Variants in LRRC4C observed in about 807,000 individuals in gnomAD.
The protein encoded by LRRC4C is leucine-rich repeat-containing protein 4C.
LRRC4C carries 5 observed loss-of-function variants against 33.6 expected under a neutral mutation model. The observed-to-expected ratio is 0.15, with a 90% CI of 0.08 to 0.31. The LOEUF is 0.31. Among genes scored for constraint, LRRC4C ranks in the 10% least tolerant of loss-of-function variants. The probability of loss-of-function intolerance (pLI) is 1.00; values close to 1 mark genes in which losing one functional copy is unlikely to be tolerated. For synonymous variants in LRRC4C, 329 were observed against 302.0 expected (o/e 1.09, Z -0.93); for missense variants, 560 against 796.7 (o/e 0.70, Z 3.58).
At chr11:41,271,164 C>G (rs575486115) in intron 1 of LRRC4C, among the ~76,000 whole-genome samples, 6 of 152,072 alleles carry the variant, frequency 3.9e-5, no homozygotes, top group Admixed American at 1.3e-4. Context: ...GCCTCACATA[C>G]GGTAAAGGTC....
intron 3 of LRRC4C, among the ~76,000 whole-genome samples, chr11:40,472,861 A>T (rs1385726780): frequency 6.6e-6 from 1 of 152,220 alleles, no homozygotes; most frequent in Non-Finnish European, 1.5e-5. Flanking sequence ...TCTAGAAAAA[A>T]TGGATAAATT....
At chr11:40,169,941 A>G (rs1240623133) in intron 5 of LRRC4C, among the ~76,000 whole-genome samples, 1 of 152,228 alleles carries the variant, frequency 6.6e-6, no homozygotes, top group Non-Finnish European at 1.5e-5. Context: ...TTGCAAACAC[A>G]AGATAAAGCT....
At chr11:40,244,470 A>C (rs902318750) in intron 4 of LRRC4C, among the ~76,000 whole-genome samples, 11 of 152,102 alleles carry the variant, frequency 7.2e-5, no homozygotes, top group Non-Finnish European at 1.5e-4. Context: ...CTGTCAATAC[A>C]CCTGGATAGA....
intron 3 of LRRC4C, among the ~76,000 whole-genome samples, chr11:40,425,517 G>T (rs1950678817): frequency 6.6e-6 from 1 of 152,178 alleles, no homozygotes; most frequent in South Asian, 2.1e-4. Context: ...TGGAAATTCT[G>T]CTGGTGTTAA....
chr11:40,565,006 G>C (rs918239993), intron 3 of LRRC4C, among the ~76,000 whole-genome samples: 2 of 152,184 alleles, frequency 1.3e-5, no homozygotes, highest in African/African-American at 4.8e-5. Flanking sequence ...TCTGGGATAA[G>C]GGATTGGGTT....
At chr11:40,275,708 T>G (rs979406204) in intron 4 of LRRC4C, among the ~76,000 whole-genome samples, 2 of 152,174 alleles carry the variant, frequency 1.3e-5, no homozygotes, top group Non-Finnish European at 2.9e-5. Flanking sequence ...AAGTGGAGTC[T>G]ATGGGGTTAT....
At chr11:40,728,298 T>C (rs986521440) in intron 2 of LRRC4C, among the ~76,000 whole-genome samples, 7 of 151,932 alleles carry the variant, frequency 4.6e-5, no homozygotes, top group African/African-American at 9.7e-5. Context: ...TTACTGGGTA[T>C]ATGTCAAAAG....
At chr11:40,973,195 A>G (rs1463581651) in intron 1 of LRRC4C, among the ~76,000 whole-genome samples, 1 of 152,104 alleles carries the variant, frequency 6.6e-6, no homozygotes, top group Non-Finnish European at 1.5e-5. Flanking sequence ...CCTGGTCTTG[A>G]GTAATTCTTT....
intron 3 of LRRC4C, among the ~76,000 whole-genome samples, chr11:40,503,224 C>T (rs530165439): frequency 1.3e-5 from 2 of 152,180 alleles, no homozygotes; most frequent in Non-Finnish European, 2.9e-5. Context: ...TTCATGAAGC[C>T]TTCCTACAGA....
chr11:40,533,258 T>C (rs557410605), intron 3 of LRRC4C, among the ~76,000 whole-genome samples: 1 of 152,142 alleles, frequency 6.6e-6, no homozygotes, highest in Non-Finnish European at 1.5e-5. Flanking sequence ...TTTAGAATAA[T>C]TATAACATTC....
intron 2 of LRRC4C, among the ~76,000 whole-genome samples, chr11:40,866,966 C>G (rs1190806942): frequency 2.0e-5 from 3 of 152,076 alleles, no homozygotes. Context: ...TTTCCTCATG[C>G]CCCCTCCATC....
At chr11:40,387,398 TG>T (rs1949153971) in intron 3 of LRRC4C, among the ~76,000 whole-genome samples, 1 of 152,202 alleles carries the variant, frequency 6.6e-6, no homozygotes, top group Non-Finnish European at 1.5e-5. Flanking sequence ...CGGGCACTTT[TG>T]TAGCAGGAAT....
intron 1 of LRRC4C, among the ~76,000 whole-genome samples, chr11:41,349,605 C>A (rs2137552972): frequency 6.6e-6 from 1 of 152,254 alleles, no homozygotes; most frequent in South Asian, 2.1e-4. Context: ...TGACTAAACT[C>A]AACTTATACC....
rs189455584 is a variant in LRRC4C at position 40,698,003 on chromosome 11, G to A, written c.-406-49725C>T. Among the ~76,000 whole-genome samples, 525 of 150,354 alleles carry A rather than the reference G, an allele frequency of 3.5e-3. 1 individual carries two copies. Among genetic ancestry groups the A allele is most frequent in the Non-Finnish European group, 5.4e-3 (367 of 67,836 alleles). ...TAATGGCATGAACCCGGGAGGCAGA[G>A]CTTACAGTGAGCAGAGATTGCACCA... is the stretch of plus-strand genomic sequence containing the variant. On this transcript the variant is annotated intron_variant, in intron 2 of 6. Coordinates refer to ENST00000528697, the MANE Select transcript of LRRC4C (RefSeq NM_001258419.2).
At chr11:40,496,523 TA>T (rs1445383450) in intron 3 of LRRC4C, among the ~76,000 whole-genome samples, 96 of 152,256 alleles carry the variant, frequency 6.3e-4, no homozygotes, top group African/African-American at 1.9e-3. Context: ...ATTTTATTAT[TA>T]TTTTTTTTAA....
chr11:41,433,793 C>T (rs1048904809), intron 1 of LRRC4C, among the ~76,000 whole-genome samples: 2 of 149,454 alleles, frequency 1.3e-5, no homozygotes, highest in Non-Finnish European at 3.0e-5. Context: ...TAATAAACTC[C>T]CATATATATG....
intron 1 of LRRC4C, among the ~76,000 whole-genome samples, chr11:41,319,207 AAACT>A (rs1163790806): frequency 3.3e-5 from 5 of 152,300 alleles, no homozygotes; most frequent in East Asian, 3.9e-4. Context: ...AGAAGGAAAA[AAACT>A]AACTAAGTAG....
intron 2 of LRRC4C, among the ~76,000 whole-genome samples, chr11:40,860,778 T>A (rs1954050969): frequency 6.4e-4 from 1 of 1,562 alleles, no homozygotes; most frequent in African/African-American, 1.1e-3. Context: ...GCTTAGGATC[T>A]TTTTTTTTTT....
intron 3 of LRRC4C, among the ~76,000 whole-genome samples, chr11:40,323,187 A>C (rs1421942072): frequency 1.3e-5 from 2 of 152,194 alleles, no homozygotes; most frequent in Non-Finnish European, 2.9e-5. Flanking sequence ...GTTGTAACTA[A>C]AACAAATGAT....
Sources: allele counts gnomAD v4.1 joint callset (sites outside exome capture counted in the v4.1 genomes callset), GRCh38; gene constraint gnomAD v4.1.1; transcripts MANE v1.5; gene names NCBI Gene and HGNC (gene_info 2026-07-23, HGNC 2026-07-21).